Variants in SHISAL1 observed in about 807,000 individuals in gnomAD.
SHISAL1 encodes the protein protein shisa-like-1.
A neutral mutation model predicts 22.6 loss-of-function variants in SHISAL1; 9 were observed. The observed-to-expected ratio is 0.40, with a 90% confidence interval of 0.24 to 0.70. The LOEUF (loss-of-function observed/expected upper bound fraction) is 0.70, where lower values mean the gene tolerates loss of function less well. Ranked by LOEUF, SHISAL1 falls within the 30% of genes least tolerant of loss-of-function variation. SHISAL1 has a pLI of 0.39. For synonymous variants in SHISAL1, 119 were observed against 115.4 expected (o/e 1.03, Z -0.20); for missense variants, 246 against 270.6 (o/e 0.91, Z 0.64).
chr22:44,284,663 G>A (rs2055298858), intron 4 of SHISAL1, among the ~76,000 whole-genome samples: 2 of 152,222 alleles, frequency 1.3e-5, no homozygotes, highest in Admixed American at 1.3e-4. Context: ...CCTGTCCTTG[G>A]TGCTAGCCAG....
intron 4 of SHISAL1, among the ~76,000 whole-genome samples, chr22:44,258,690 A>G (rs2055101082): frequency 6.6e-6 from 1 of 152,180 alleles, no homozygotes; most frequent in African/African-American, 2.4e-5. Context: ...TGGTGTATAC[A>G]TAGGCTTCCA....
rs756489181 is a variant in SHISAL1 at position 44,296,755 on chromosome 22, G to T, written c.198C>A (p.Val66=). The T allele has an allele frequency of 1.9e-6, 3 of 1,614,156 alleles. No homozygotes were observed. Among genetic ancestry groups the T allele is most frequent in the South Asian group, 2.2e-5 (2 of 91,080 alleles). ...CCGTCTCGTTGCAGCAGTATTTGAA[G>T]ACCGTGTTGTTATGGTGACAACAGA... ...FILCCHHNNT[V]FKYCCNETEF... The change falls in exon 3 of 5, where the codon GTC becomes GTA. Residue 66 remains valine (V), a synonymous_variant. Transcript: ENST00000381176.
the SHISAL1 span, among the ~76,000 whole-genome samples, chr22:44,327,233 GGGGC>G: frequency 0.044 from 2,695 of 61,472 alleles, 44 homozygotes; most frequent in South Asian, 0.063. Flanking sequence ...TGGAGAGTGG[GGGGC>G]GCGCACACAC....
At position 44,296,881 on chromosome 22, in the gene SHISAL1, C is replaced by T. The variant is rs756280150; in HGVS notation, c.72G>A (p.Leu24=). Residue 24 remains leucine (L), a synonymous_variant, in exon 3 of 5, where the codon TTG becomes TTA. Transcript: ENST00000381176. The part of the protein sequence containing the change: ...VLFSLLFSAV[L]SAHFRVCEPY... The stretch of plus-strand genomic sequence containing the variant: ...GTTCACAGACCCGGAAATGTGCAGA[C>T]AAGACTGGAAGACAGAGTCACCAGG... 12 of 1,611,466 alleles carry T rather than the reference C, an allele frequency of 7.4e-6. No individual in the cohort carries two copies. Among genetic ancestry groups the T allele is most frequent in the Non-Finnish European group, 1.0e-5 (12 of 1,179,242 alleles).
chr22:44,290,355 C>T (rs923890802), intron 3 of SHISAL1, among the ~76,000 whole-genome samples: 1 of 152,090 alleles, frequency 6.6e-6, no homozygotes, highest in Admixed American at 6.5e-5. Context: ...TACGGAGAAA[C>T]CCCGTCTCTA....
chr22:44,255,632 G>A (rs190950911), intron 4 of SHISAL1, among the ~76,000 whole-genome samples: 8 of 152,266 alleles, frequency 5.3e-5, no homozygotes, highest in East Asian at 1.9e-4. Context: ...GCTGGTCAGC[G>A]CTGGTCAGCC....
At position 44,245,130 on chromosome 22, in the gene SHISAL1, C is replaced by G. The variant is rs555290448; in HGVS notation, c.*4555G>C. Reference sequence around the variant, plus strand: ...GCTGTGGGGGCCAAGCAGACACCCTCTGATGCCCACCACGTGAGCAGGATG... The same window carrying G: ...GCTGTGGGGGCCAAGCAGACACCCTGTGATGCCCACCACGTGAGCAGGATG... On this transcript the variant is annotated 3_prime_UTR_variant, in exon 5 of 5. Transcript: ENST00000381176. 6.6e-6 allele frequency: 1 copy of G among 152,364 alleles called. No homozygotes were observed. Among genetic ancestry groups the G allele is most frequent in the African/African-American group, 2.4e-5 (1 of 41,582 alleles). The allele number at this position is 152,364 out of a possible 1,614,324, so 9.4% of individuals were successfully genotyped here. A position where few individuals can be genotyped will look rare whatever the true frequency, so the allele number is the denominator to read the frequency against.
chr22:44,270,649 G>A lies in SHISAL1; in HGVS notation c.599+14779C>T, dbSNP rs184044751. On this transcript the variant is annotated intron_variant, in intron 4 of 4. Transcript: ENST00000381176. ...CCTGCCTCTGTGAGACCACAGAGAG[G>A]GTCACAGGGATCTGCCAGCCTAGGG... 1.2e-3 allele frequency among the ~76,000 whole-genome samples: 186 copies of A among 152,234 alleles called. 1 individual carries two copies. The Middle Eastern group carries it at 0.017, about 14-fold the overall frequency.
chr22:44,258,751 T>G (rs921207565), intron 4 of SHISAL1, among the ~76,000 whole-genome samples: 1 of 152,176 alleles, frequency 6.6e-6, no homozygotes, highest in Non-Finnish European at 1.5e-5. Flanking sequence ...AATGCAGAGG[T>G]CTTGCACATA....
chr22:44,282,319 G>A (rs2055282249), intron 4 of SHISAL1, among the ~76,000 whole-genome samples: 1 of 152,254 alleles, frequency 6.6e-6, no homozygotes, highest in Non-Finnish European at 1.5e-5. Context: ...CCTGGGCACT[G>A]AGGCAGTCCT....
chr22:44,286,739 C>T (rs577765568), intron 3 of SHISAL1, among the ~76,000 whole-genome samples: 51 of 152,316 alleles, frequency 3.3e-4, no homozygotes, highest in African/African-American at 1.2e-3. Flanking sequence ...TCCCCAGGGC[C>T]AGGGTCCAAG....
chr22:44,253,428 T>G (rs1410281625), intron 4 of SHISAL1, among the ~76,000 whole-genome samples: 2 of 10,978 alleles, frequency 1.8e-4, no homozygotes, highest in Non-Finnish European at 3.8e-4. Flanking sequence ...TTAGTGCATG[T>G]TTTTTTTTTT....
rs570521350 is a variant in SHISAL1 at position 44,308,920 on chromosome 22, G to A, written c.-33+3831C>T. Reference sequence around the variant, plus strand: ...ACCTACTCTACTGTCATGGGGGGCGGGAGGCTGACCTTGGGGTGAGGATGA... The same window carrying A: ...ACCTACTCTACTGTCATGGGGGGCGAGAGGCTGACCTTGGGGTGAGGATGA... On this transcript the variant is annotated intron_variant, in intron 1 of 4. Coordinates refer to ENST00000381176, the MANE Select transcript of SHISAL1 (RefSeq NM_001099294.2). Among the ~76,000 whole-genome samples the A allele has an allele frequency of 1.7e-3, 253 of 152,350 alleles. 7 individuals are homozygous for A. The East Asian group carries it at 0.045, about 27-fold the overall frequency.
chr22:44,284,235 CAAAGA>C (rs2055295720), intron 4 of SHISAL1, among the ~76,000 whole-genome samples: 1 of 151,620 alleles, frequency 6.6e-6, no homozygotes, highest in African/African-American at 2.4e-5. Flanking sequence ...TTGCTGCCTC[CAAAGA>C]GGAGGCAGCA....
chr22:44,318,345 G>C, the SHISAL1 span, among the ~76,000 whole-genome samples: 9 of 152,388 alleles, frequency 5.9e-5, no homozygotes, highest in East Asian at 1.9e-4. Flanking sequence ...AATTTCTGGG[G>C]AATGGAGAGG....
intron 4 of SHISAL1, among the ~76,000 whole-genome samples, chr22:44,283,088 G>A (rs1009662926): frequency 6.6e-6 from 1 of 152,236 alleles, no homozygotes; most frequent in African/African-American, 2.4e-5. Flanking sequence ...AGCCCAAAAA[G>A]GAAGCTCCTC....
chr22:44,252,700 A>G (rs1320222417), intron 4 of SHISAL1, among the ~76,000 whole-genome samples: 2 of 151,886 alleles, frequency 1.3e-5, no homozygotes, highest in African/African-American at 4.8e-5. Context: ...GTTTCATAGA[A>G]AAGGATGGGC....
At chr22:44,319,440 G>C in the SHISAL1 span, among the ~76,000 whole-genome samples, 1 of 152,350 alleles carries the variant, frequency 6.6e-6, no homozygotes, top group East Asian at 1.9e-4. Flanking sequence ...GAAAGAGGAG[G>C]GAGCTGCCAC....
rs1182966909 is a variant in SHISAL1 at position 44,248,156 on chromosome 22, CCTTCCTTCTTCACTGT to C, written c.*1513_*1528del. The C allele has an allele frequency of 1.3e-5, 2 of 152,330 alleles. No homozygotes were observed. The highest frequency in any genetic ancestry group is 2.9e-5 in the Non-Finnish European group (2 of 68,142). The allele number at this position is 152,330 out of a possible 1,614,324, so 9.4% of individuals were successfully genotyped here. On this transcript the variant is annotated 3_prime_UTR_variant, in exon 5 of 5. Transcript: ENST00000381176. ...GGCAGAGCACTCACTGCCTTCGCCA[CCTTCCTTCTTCACTGT>C]CTTCCTGCCCCAGCTAGAAAGCTAG...
Sources: gnomAD v4.1 joint callset for allele counts (sites outside exome capture counted in the v4.1 genomes callset) on GRCh38, gnomAD v4.1.1 for gene constraint, MANE v1.5 for transcripts, NCBI Gene and HGNC (gene_info 2026-07-23, HGNC 2026-07-21) for gene names.